The following WWOX variants were observed in gnomAD, a reference collection of about 807,000 sequenced individuals.
WWOX encodes WW domain-containing oxidoreductase.
Under a neutral mutation model 46.2 loss-of-function variants are expected in WWOX, and 69 were observed. The observed-to-expected ratio is 1.49, with a 90% CI of 1.23 to 1.82. WWOX has a LOEUF of 1.82. Among genes scored for constraint, WWOX ranks in the 40% most tolerant of loss-of-function variants. WWOX has a pLI of 0.00. For missense variants in WWOX, 919 were observed against 542.6 expected, an observed-to-expected ratio of 1.69 and a Z score of -6.89; for synonymous variants, 359 against 202.6, an observed-to-expected ratio of 1.77 and a Z score of -6.56.
chr16:79,111,667 G>T (rs761976756), intron 8 of WWOX, among the ~76,000 whole-genome samples: 1 of 152,156 alleles, frequency 6.6e-6, no homozygotes, highest in Non-Finnish European at 1.5e-5. Context: ...AGGTAATTCT[G>T]GAGGCAAATC....
chr16:78,517,305 C>A (rs999663827), intron 8 of WWOX, among the ~76,000 whole-genome samples: 2 of 151,002 alleles, frequency 1.3e-5, no homozygotes, highest in Non-Finnish European at 2.9e-5. Flanking sequence ...TAGGAACTGT[C>A]ACACACACCC....
chr16:78,542,551 A>C (rs887558751), intron 8 of WWOX, among the ~76,000 whole-genome samples: 8 of 152,190 alleles, frequency 5.3e-5, no homozygotes, highest in Non-Finnish European at 7.3e-5. Flanking sequence ...ACAGAAGCCG[A>C]TGTGCAGAGG....
chr16:78,680,499 G>A (rs1400614456), intron 8 of WWOX, among the ~76,000 whole-genome samples: 2 of 152,132 alleles, frequency 1.3e-5, no homozygotes, highest in Non-Finnish European at 2.9e-5. Context: ...ACTGCGGCCT[G>A]AGCTACAGGG....
At chr16:78,262,173 C>A (rs62034054) in intron 5 of WWOX, among the ~76,000 whole-genome samples, 20,240 of 148,362 alleles carry the variant, frequency 0.14, 1,409 homozygotes, top group Admixed American at 0.16. Context: ...ACAAATAGTA[C>A]CAGTTGGTTG....
At chr16:78,586,045 C>T (rs2045196500) in intron 8 of WWOX, among the ~76,000 whole-genome samples, 1 of 151,874 alleles carries the variant, frequency 6.6e-6, no homozygotes, top group Non-Finnish European at 1.5e-5. Context: ...CAAAAAACAA[C>T]AACAACAAAC....
chr16:78,632,849 C>A (rs530754092), intron 8 of WWOX, among the ~76,000 whole-genome samples: 1 of 152,004 alleles, frequency 6.6e-6, no homozygotes. Context: ...TGAGCCACTG[C>A]GCCCGGCCTA....
At chr16:79,041,931 G>C (rs146742200) in intron 8 of WWOX, among the ~76,000 whole-genome samples, 4 of 152,228 alleles carry the variant, frequency 2.6e-5, no homozygotes, top group East Asian at 1.9e-4. Flanking sequence ...CTCTCTAAGA[G>C]TCTTGGTGGT....
Position 78,608,926 on chromosome 16 carries a change from A to G in WWOX, c.1056+176174A>G, listed in dbSNP as rs1214672841. 2.0e-5 allele frequency among the ~76,000 whole-genome samples: 3 copies of G among 152,192 alleles called. No individual in the cohort carries two copies. In the South Asian group the frequency reaches 6.2e-4, roughly 32 times the overall value. On this transcript the variant is annotated intron_variant, in intron 8 of 8. Coordinates refer to ENST00000566780, the MANE Select transcript of WWOX (RefSeq NM_016373.4). Reference sequence around the variant, plus strand: ...GGAAACTTCCTATATGCTCGAAACGATTTAACTAGCAGCAATAAAATCTCT... The same window carrying G: ...GGAAACTTCCTATATGCTCGAAACGGTTTAACTAGCAGCAATAAAATCTCT...
chr16:78,311,803 AT>A (rs2080250856), intron 5 of WWOX, among the ~76,000 whole-genome samples: 1 of 151,818 alleles, frequency 6.6e-6, no homozygotes, highest in African/African-American at 2.4e-5. Flanking sequence ...GGGGGTATTC[AT>A]TTTTCTGTGG....
chr16:78,992,738 C>A (rs550841813), intron 8 of WWOX, among the ~76,000 whole-genome samples: 1 of 152,084 alleles, frequency 6.6e-6, no homozygotes, highest in African/African-American at 2.4e-5. Context: ...AAGAGGAAAT[C>A]GCCTGCCAGG....
Position 78,791,946 on chromosome 16 carries a change from CA to C in WWOX, c.1056+359195del, listed in dbSNP as rs1253322081. 2.0e-5 allele frequency among the ~76,000 whole-genome samples: 3 copies of C among 152,242 alleles called. No homozygotes were observed. In the East Asian group the frequency reaches 5.8e-4, roughly 29 times the overall value. The stretch of plus-strand genomic sequence containing the variant: ...AAATACATAGAAGAGGCCTTCTCTT[CA>C]CAAGTTTTTCTTATTGTTTTTTGTT... On this transcript the variant is annotated intron_variant, in intron 8 of 8. Transcript: ENST00000566780.
intron 8 of WWOX, among the ~76,000 whole-genome samples, chr16:78,519,268 C>T (rs1046369647): frequency 1.3e-5 from 2 of 152,150 alleles, no homozygotes; most frequent in South Asian, 2.1e-4. Context: ...TGCCTAGAAC[C>T]CAATGAGGGC....
At chr16:78,295,463 G>T (rs1467608628) in intron 5 of WWOX, among the ~76,000 whole-genome samples, 8 of 152,320 alleles carry the variant, frequency 5.3e-5, no homozygotes, top group African/African-American at 1.9e-4. Context: ...TGTAATCCTA[G>T]CACTTTTGGA....
At chr16:78,918,111 A>G (rs1003659724) in intron 8 of WWOX, among the ~76,000 whole-genome samples, 1 of 151,916 alleles carries the variant, frequency 6.6e-6, no homozygotes, top group Non-Finnish European at 1.5e-5. Flanking sequence ...CTGAGGTGGG[A>G]GGATAGGAGG....
intron 8 of WWOX, among the ~76,000 whole-genome samples, chr16:79,115,690 C>A (rs979391399): frequency 6.6e-6 from 1 of 152,132 alleles, no homozygotes. Flanking sequence ...TCCCAGCCCC[C>A]GCACTGGTTG....
intron 8 of WWOX, among the ~76,000 whole-genome samples, chr16:78,665,537 T>A (rs958634875): frequency 6.6e-6 from 1 of 152,068 alleles, no homozygotes; most frequent in African/African-American, 2.4e-5. Flanking sequence ...CTTTAACAGA[T>A]TCCAGCCTGC....
intron 8 of WWOX, among the ~76,000 whole-genome samples, chr16:78,639,560 A>G (rs1186203962): frequency 7.4e-6 from 1 of 135,742 alleles, no homozygotes; most frequent in African/African-American, 2.8e-5. Flanking sequence ...CTCCAGGGGC[A>G]CAGATTGGAT....
chr16:78,869,946 G>C (rs1380852103), intron 8 of WWOX, among the ~76,000 whole-genome samples: 1 of 152,298 alleles, frequency 6.6e-6, no homozygotes, highest in South Asian at 2.1e-4. Context: ...TGCCTTGGGA[G>C]TCTATGTTTA....
intron 8 of WWOX, among the ~76,000 whole-genome samples, chr16:78,768,983 G>A (rs1002585092): frequency 1.3e-5 from 2 of 152,210 alleles, no homozygotes; most frequent in African/African-American, 4.8e-5. Context: ...ACCAGAAGGT[G>A]TGGTTCAAAG....
Sources: allele counts gnomAD v4.1 joint callset (sites outside exome capture counted in the v4.1 genomes callset), GRCh38; gene constraint gnomAD v4.1.1; transcripts MANE v1.5; gene names NCBI Gene and HGNC (gene_info 2026-07-23, HGNC 2026-07-21).